PDCL2: variants seen among roughly 807,000 people sequenced by gnomAD.
PDCL2 encodes phosducin-like protein 2.
Under a neutral mutation model 30.3 loss-of-function variants are expected in PDCL2, and 23 were observed. The observed-to-expected ratio is 0.76, with a 90% confidence interval of 0.55 to 1.08. The LOEUF (loss-of-function observed/expected upper bound fraction) is 1.08. Among genes scored for constraint, PDCL2 ranks in the 50% least tolerant of loss-of-function variants. PDCL2 has a pLI of 0.00. For synonymous variants in PDCL2, 68 were observed against 86.2 expected (o/e 0.79, Z 1.17); for missense variants, 243 against 282.3 (o/e 0.86, Z 1.00).
chr4:55,567,371 A>G (rs190705718), intron 4 of PDCL2, among the ~76,000 whole-genome samples: 317 of 152,028 alleles, frequency 2.1e-3, no homozygotes, highest in African/African-American at 7.1e-3. Flanking sequence ...CATTTCTACA[A>G]AAAAATTTTA....
At chr4:55,581,619 A>T (rs761711147) in intron 2 of PDCL2, among the ~76,000 whole-genome samples, 17 of 152,328 alleles carry the variant, frequency 1.1e-4, no homozygotes, top group Non-Finnish European at 1.8e-4. Flanking sequence ...TTAGCATGTG[A>T]TTTTCAACAT....
chr4:55,559,487 AATG>A (rs1203681070), intron 5 of PDCL2, among the ~76,000 whole-genome samples: 1 of 152,250 alleles, frequency 6.6e-6, no homozygotes, highest in African/African-American at 2.4e-5. Context: ...CAAGTTGCAG[AATG>A]ATACTACAAT....
At chr4:55,579,864 G>A (rs775712639) in intron 3 of PDCL2, among the ~76,000 whole-genome samples, 10 of 145,614 alleles carry the variant, frequency 6.9e-5, no homozygotes, top group African/African-American at 1.0e-4. Context: ...TTTTTTTTTC[G>A]AGGTGGAGTT....
At chr4:55,577,546 T>C (rs934786506) in intron 3 of PDCL2, among the ~76,000 whole-genome samples, 6 of 152,134 alleles carry the variant, frequency 3.9e-5, no homozygotes, top group African/African-American at 1.4e-4. Context: ...CTAAAGCTAC[T>C]AGGATCCCCT....
chr4:55,579,913 C>G (rs1390174158), intron 3 of PDCL2, among the ~76,000 whole-genome samples: 1 of 151,614 alleles, frequency 6.6e-6, no homozygotes, highest in South Asian at 2.1e-4. Flanking sequence ...ATGGCGCAAT[C>G]TTGGCTCACC....
chr4:55,586,983 A>C lies in PDCL2; in HGVS notation c.7-4746T>G, dbSNP rs187488402. On this transcript the variant is annotated intron_variant, in intron 1 of 5. Coordinates refer to ENST00000295645, the MANE Select transcript of PDCL2 (RefSeq NM_152401.3). ...ATCTTCTTTTAAGAAACGTCTATTC[A>C]AGTTTGTCTTAGTCCAGTTTGTACT... Among the ~76,000 whole-genome samples the C allele has an allele frequency of 4.8e-5, 7 of 144,432 alleles. No individual in the cohort carries two copies. The East Asian group carries it at 1.3e-3, about 28-fold the overall frequency. 94.8% of individuals were successfully genotyped at this position (144,432 alleles called of 152,430 possible).
chr4:55,571,573 G>C, intron 3 of PDCL2, among the ~76,000 whole-genome samples: 1 of 74,056 alleles, frequency 1.4e-5, no homozygotes. Flanking sequence ...TGTGGTCCCA[G>C]CTACTCGGGA....
At chr4:55,558,157 T>G (rs1732027991) in intron 5 of PDCL2, among the ~76,000 whole-genome samples, 1 of 151,826 alleles carries the variant, frequency 6.6e-6, no homozygotes, top group Non-Finnish European at 1.5e-5. Flanking sequence ...AAGTGAAATT[T>G]TAATAAATGG....
rs1199955855 is a variant in PDCL2, at chr4:55,556,528, A to G, written c.*29T>C. On this transcript the variant is annotated 3_prime_UTR_variant, in exon 6 of 6. Transcript: ENST00000295645. Reference sequence around the variant, plus strand: ...TAAGTAAAACATTCAGTACACATATACTAAAAGCTATTTATTGAATATTTC... The same window carrying G: ...TAAGTAAAACATTCAGTACACATATGCTAAAAGCTATTTATTGAATATTTC... 1 of 1,437,664 alleles carries G rather than the reference A, an allele frequency of 7.0e-7. No homozygotes were observed. Among genetic ancestry groups the G allele is most frequent in the Non-Finnish European group, 9.3e-7 (1 of 1,073,260 alleles). 89.1% of individuals were successfully genotyped at this position (1,437,664 alleles called of 1,614,324 possible).
At chr4:55,568,737 A>G (rs1272520566) in intron 4 of PDCL2, among the ~76,000 whole-genome samples, 1 of 152,152 alleles carries the variant, frequency 6.6e-6, no homozygotes, top group Non-Finnish European at 1.5e-5. Context: ...TCCACCCAGT[A>G]ACATCCTCAC....
chr4:55,567,083 G>A (rs1022056583), intron 4 of PDCL2, among the ~76,000 whole-genome samples: 23 of 150,904 alleles, frequency 1.5e-4, no homozygotes, highest in Non-Finnish European at 3.2e-4. Context: ...ATAAATGTCC[G>A]TGTTTCTCAT....
intron 1 of PDCL2, among the ~76,000 whole-genome samples, chr4:55,583,629 T>G (rs1011895820): frequency 6.6e-6 from 1 of 152,236 alleles, no homozygotes; most frequent in East Asian, 1.9e-4. Context: ...TTAATTCTTC[T>G]ATATGTGGAT....
Position 55,562,358 on chromosome 4 carries a change from A to G in PDCL2, c.571+46T>C, listed in dbSNP as rs774849389. ...GCTTTCAGGATGCTTGTTAGTTTGC[A>G]GATGTTTTCACCTATCATTTTTATA... On this transcript the variant is annotated intron_variant, in intron 5 of 5. Transcript: ENST00000295645. 28 of 1,258,180 alleles carry G rather than the reference A, an allele frequency of 2.2e-5. No individual in the cohort carries two copies. The South Asian group carries it at 5.3e-4, about 24-fold the overall frequency. The allele number at this position is 1,258,180 out of a possible 1,614,324, so 77.9% of individuals were successfully genotyped here.
chr4:55,573,886 G>A (rs1227597274), intron 3 of PDCL2, among the ~76,000 whole-genome samples: 1 of 11,130 alleles, frequency 9.0e-5, no homozygotes, highest in Non-Finnish European at 1.8e-4. Context: ...ACTAGTTTTT[G>A]TTTGTTTTTT....
chr4:55,571,920 AC>A (rs1334255096), intron 3 of PDCL2, among the ~76,000 whole-genome samples: 1 of 151,652 alleles, frequency 6.6e-6, no homozygotes, highest in African/African-American at 2.4e-5. Flanking sequence ...TGGGAGCCCT[AC>A]TTTGTTTGCA....
chr4:55,580,731 A>G, intron 3 of PDCL2, 90 bp downstream of exon 3: 3 of 951,164 alleles, frequency 3.2e-6, no homozygotes, highest in Non-Finnish European at 4.4e-6. Context: ...TGTTCTTTGT[A>G]AAATCTATGT....
At chr4:55,562,677 A>C in intron 4 of PDCL2, 65 bp from the exon 5 acceptor site, 1 of 1,124,066 alleles carries the variant, frequency 8.9e-7, no homozygotes, top group East Asian at 2.8e-5. Context: ...CTAATGAAAT[A>C]AGTAAAATAT....
intron 3 of PDCL2, 36 bp from the exon 4 acceptor site, chr4:55,569,897 C>A: frequency 7.3e-7 from 1 of 1,366,796 alleles, no homozygotes; most frequent in Non-Finnish European, 9.9e-7. Context: ...CATAAGAATA[C>A]TGTCATATTC....
chr4:55,556,728 A>G lies in PDCL2; in HGVS notation c.572-17T>C. On this transcript the variant is annotated splice_polypyrimidine_tract_variant and intron_variant, in intron 5 of 5. Transcript: ENST00000295645. ...ATTCAAGTTCTGTAATAAATAACCC[A>G]TCATTCAGTTAAAAATCTTGAAAAA... The G allele has an allele frequency of 4.0e-6, 6 of 1,499,530 alleles. No homozygotes were observed. The highest frequency in any genetic ancestry group is 2.5e-5 in the Admixed American group (1 of 40,518). The allele number at this position is 1,499,530 out of a possible 1,614,324, so 92.9% of individuals were successfully genotyped here. A position where few individuals can be genotyped will look rare whatever the true frequency, so the allele number is the denominator to read the frequency against.
Sources: allele counts gnomAD v4.1 joint callset (sites outside exome capture counted in the v4.1 genomes callset), GRCh38; gene constraint gnomAD v4.1.1; transcripts MANE v1.5; gene names NCBI Gene and HGNC (gene_info 2026-07-23, HGNC 2026-07-21).